CCSER1: variants seen among roughly 807,000 people sequenced by gnomAD.
The protein encoded by CCSER1 is serine-rich coiled-coil domain-containing protein 1.
CCSER1 carries 41 observed loss-of-function variants against 82.0 expected under a neutral mutation model. The observed-to-expected ratio is 0.50, with a 90% CI of 0.39 to 0.65. The LOEUF is 0.65. Among genes scored for constraint, CCSER1 ranks in the 30% least tolerant of loss-of-function variants. The pLI, the probability that CCSER1 is intolerant of heterozygous loss-of-function variation, is 0.00. For synonymous variants in CCSER1, 414 were observed against 383.9 expected, an observed-to-expected ratio of 1.08 and a Z score of -0.92; for missense variants, 1,119 against 1,064.2, an observed-to-expected ratio of 1.05 and a Z score of -0.72.
chr4:91,411,521 TATATAA>T (rs1162367557), intron 10 of CCSER1, among the ~76,000 whole-genome samples: 1,334 of 130,802 alleles, frequency 0.01, 25 homozygotes, highest in African/African-American at 0.04. Context: ...TATATATATA[TATATAA>T]AATCTTGACT....
chr4:90,297,345 T>C (rs1052660282), intron 1 of CCSER1, among the ~76,000 whole-genome samples: 6 of 150,970 alleles, frequency 4.0e-5, no homozygotes, highest in Non-Finnish European at 8.8e-5. Flanking sequence ...ATTGATTTTA[T>C]ATCCTGAGAC....
chr4:90,627,145 T>C (rs915688919), intron 5 of CCSER1, among the ~76,000 whole-genome samples: 1 of 152,256 alleles, frequency 6.6e-6, no homozygotes. Context: ...TCTTATCCCT[T>C]CACAGGACAA....
At chr4:91,103,281 A>G (rs1725264755) in intron 10 of CCSER1, among the ~76,000 whole-genome samples, 1 of 152,158 alleles carries the variant, frequency 6.6e-6, no homozygotes, top group Non-Finnish European at 1.5e-5. Flanking sequence ...ACTCAGCCCC[A>G]TGAAAGATGA....
At chr4:91,490,605 T>G (rs1174752662) in intron 10 of CCSER1, among the ~76,000 whole-genome samples, 2 of 151,432 alleles carry the variant, frequency 1.3e-5, no homozygotes, top group Non-Finnish European at 2.9e-5. Flanking sequence ...GAAAAGGTAT[T>G]GGGGTGGGAG....
At chr4:90,753,007 T>A (rs1278109301) in intron 7 of CCSER1, among the ~76,000 whole-genome samples, 1 of 152,124 alleles carries the variant, frequency 6.6e-6, no homozygotes, top group East Asian at 1.9e-4. Context: ...CAATTATAAG[T>A]TCTTAGTTGG....
intron 5 of CCSER1, among the ~76,000 whole-genome samples, chr4:90,577,336 T>C (rs982232456): frequency 6.6e-6 from 1 of 152,114 alleles, no homozygotes; most frequent in Non-Finnish European, 1.5e-5. Flanking sequence ...GAAGAACCTC[T>C]TATGAGTGAG....
intron 9 of CCSER1, among the ~76,000 whole-genome samples, chr4:90,983,898 A>G (rs1736351856): frequency 6.6e-6 from 1 of 151,806 alleles, no homozygotes; most frequent in Admixed American, 6.6e-5. Flanking sequence ...CACTGTTTAT[A>G]CGATTCTCTA....
chr4:91,323,657 C>T (rs1229752505), intron 10 of CCSER1, among the ~76,000 whole-genome samples: 6 of 152,112 alleles, frequency 3.9e-5, no homozygotes, highest in Admixed American at 1.3e-4. Context: ...AGCAGTTTAT[C>T]CCTCATTTAA....
At chr4:90,641,421 T>C (rs1161054473) in intron 6 of CCSER1, among the ~76,000 whole-genome samples, 1 of 152,220 alleles carries the variant, frequency 6.6e-6, no homozygotes, top group East Asian at 1.9e-4. Context: ...ACAGAGGTCT[T>C]TCTAGGTATT....
chr4:91,144,090 G>A (rs1204639400), intron 10 of CCSER1, among the ~76,000 whole-genome samples: 1 of 151,566 alleles, frequency 6.6e-6, no homozygotes, highest in African/African-American at 2.4e-5. Context: ...AATATACAAA[G>A]GGTTTTTATT....
At chr4:91,157,042 G>T (rs1730890555) in intron 10 of CCSER1, among the ~76,000 whole-genome samples, 1 of 151,796 alleles carries the variant, frequency 6.6e-6, no homozygotes, top group South Asian at 2.1e-4. Context: ...TTATTGTAGT[G>T]GATTCTTTCA....
intron 6 of CCSER1, among the ~76,000 whole-genome samples, chr4:90,669,152 G>A (rs1302112581): frequency 6.6e-6 from 1 of 151,940 alleles, no homozygotes; most frequent in African/African-American, 2.4e-5. Flanking sequence ...GAAACACACA[G>A]ATACAAATAG....
chr4:90,140,316 AATAT>A (rs1422857007), intron 1 of CCSER1, among the ~76,000 whole-genome samples: 1 of 152,144 alleles, frequency 6.6e-6, no homozygotes, highest in Non-Finnish European at 1.5e-5. Flanking sequence ...GTGTTGTGTA[AATAT>A]AGCCCTAGGA....
intron 6 of CCSER1, among the ~76,000 whole-genome samples, chr4:90,718,654 C>T (rs2149355360): frequency 6.6e-6 from 1 of 152,184 alleles, no homozygotes; most frequent in Admixed American, 6.5e-5. Flanking sequence ...ATAAAATGAT[C>T]TGTCAAAATT....
chr4:90,473,954 A>G (rs1000778692), intron 5 of CCSER1, among the ~76,000 whole-genome samples: 1 of 152,154 alleles, frequency 6.6e-6, no homozygotes, highest in African/African-American at 2.4e-5. Context: ...TTGTGTTGAA[A>G]AGCAGGTGAA....
chr4:91,326,588 T>G (rs896848394), intron 10 of CCSER1, among the ~76,000 whole-genome samples: 1 of 152,118 alleles, frequency 6.6e-6, no homozygotes, highest in Non-Finnish European at 1.5e-5. Context: ...CCAAATTCCA[T>G]GTCCTTCTCT....
chr4:90,362,360 T>C (rs1745525445), intron 3 of CCSER1, among the ~76,000 whole-genome samples: 1 of 152,180 alleles, frequency 6.6e-6, no homozygotes, highest in Admixed American at 6.5e-5. Flanking sequence ...TATAAACTTA[T>C]ACAGTTAAAA....
At chr4:90,691,877 C>T (rs1306430679) in intron 6 of CCSER1, among the ~76,000 whole-genome samples, 3 of 151,646 alleles carry the variant, frequency 2.0e-5, no homozygotes, top group African/African-American at 4.8e-5. Flanking sequence ...CATAGGTTCC[C>T]GTGTCTGTTG....
chr4:91,013,561 T>C (rs1201314097), intron 9 of CCSER1, among the ~76,000 whole-genome samples: 1 of 130,914 alleles, frequency 7.6e-6, no homozygotes, highest in Non-Finnish European at 1.8e-5. Context: ...TTTTTGCTAG[T>C]CTGTCTGTTT....
Sources: gnomAD v4.1 joint callset for allele counts (sites outside exome capture counted in the v4.1 genomes callset) on GRCh38, gnomAD v4.1.1 for gene constraint, MANE v1.5 for transcripts, NCBI Gene and HGNC (gene_info 2026-07-23, HGNC 2026-07-21) for gene names.